IL17RE: variants seen among roughly 807,000 people sequenced by gnomAD.
The protein encoded by IL17RE is interleukin-17 receptor E.
IL17RE carries 47 observed loss-of-function variants against 70.7 expected under a neutral mutation model. That is an observed-to-expected ratio of 0.67 (90% confidence interval 0.53 to 0.85). IL17RE has a LOEUF of 0.85. Ranked by LOEUF, IL17RE falls within the 40% of genes least tolerant of loss-of-function variation. The pLI, the probability that IL17RE is intolerant of heterozygous loss-of-function variation, is 0.00. For missense variants in IL17RE, 850 were observed against 893.9 expected, an observed-to-expected ratio of 0.95 and a Z score of 0.63; for synonymous variants, 372 against 381.2, an observed-to-expected ratio of 0.98 and a Z score of 0.28.
intron 6 of IL17RE, 60 bp downstream of exon 6, chr3:9,907,160 C>T (rs374384085): frequency 8.1e-6 from 13 of 1,600,312 alleles, no homozygotes; most frequent in South Asian, 1.1e-5. Context: ...AAAGAGGCCA[C>T]CCATTGTACA....
upstream of IL17RE, chr3:9,902,769 C>A (rs1056670093): frequency 2.0e-6 from 3 of 1,538,152 alleles, no homozygotes; most frequent in African/African-American, 1.4e-5. Flanking sequence ...TGTGGCCTGG[C>A]TGGCTGGTTG....
chr3:9,903,124 C>A, intron 1 of IL17RE, 60 bp downstream of exon 1: 1 of 1,425,890 alleles, frequency 7.0e-7, no homozygotes. Context: ...CTCCCCACTC[C>A]CCTGCCTGCC....
intron 7 of IL17RE, 49 bp downstream of exon 7, chr3:9,908,356 C>A: frequency 6.6e-7 from 1 of 1,515,220 alleles, no homozygotes; most frequent in East Asian, 2.3e-5. Flanking sequence ...CTCCTAAGCC[C>A]CCAAGGTAGC....
Position 9,915,787 on chromosome 3 carries a change from C to G in IL17RE, c.1984C>G (p.Arg662Gly). ...CAGCCGGCTCGAACGAGAGGCCGCC[C>G]GACTTGCAGACCTAGGTTGAGCAGA... ...LCSRLEREAA[R>G]LADLG Residue 662 changes from arginine to glycine, a missense_variant, in exon 16 of 16, where the codon CGA becomes GGA. Physicochemically the swap from Arg to Gly is moderately radical, Grantham distance 125 (BLOSUM62 -2). Transcript: ENST00000383814. The surrounding 1 kb of genome is among the most constrained non-coding windows in gnomAD (Gnocchi z 4.9). The G allele has an allele frequency of 6.5e-7, 1 of 1,532,948 alleles. No homozygotes were observed. The highest frequency in any genetic ancestry group is 2.6e-5 in the East Asian group (1 of 37,952). The allele number at this position is 1,532,948 out of a possible 1,614,324, so 95.0% of individuals were successfully genotyped here. A position where few individuals can be genotyped will look rare whatever the true frequency, so the allele number is the denominator to read the frequency against.
At chr3:9,909,318 C>T (rs746623232) in intron 8 of IL17RE, 35 bp downstream of exon 8, 2 of 1,550,750 alleles carry the variant, frequency 1.3e-6, no homozygotes, top group Non-Finnish European at 1.8e-6. Flanking sequence ...TGTGCACACA[C>T]ATCCCCTTTC....
At chr3:9,912,834 A>G (rs2082924672) in intron 12 of IL17RE, among the ~76,000 whole-genome samples, 1 of 152,150 alleles carries the variant, frequency 6.6e-6, no homozygotes, top group South Asian at 2.1e-4. Flanking sequence ...ATGCCACAGC[A>G]CTCCAGCCTG....
chr3:9,914,938 G>A (rs2082979182), intron 15 of IL17RE, among the ~76,000 whole-genome samples, 161 bp downstream of exon 15: 1 of 152,204 alleles, frequency 6.6e-6, no homozygotes. Flanking sequence ...TTAAGGCAAG[G>A]CAAAGGGCCC....
In IL17RE at chr3:9,911,521, C is replaced by T. The variant is rs746436338; in HGVS notation, c.1151C>T (p.Ala384Val). 15 of 1,614,018 alleles carry T rather than the reference C, an allele frequency of 9.3e-6. No individual in the cohort carries two copies. Among genetic ancestry groups the T allele is most frequent in the Non-Finnish European group, 1.7e-6 (2 of 1,180,008 alleles). ...LILHFSSRMH[A>V]TFSAAWSLPG... ...CTTCACTTCTCCTCAAGAATGCATG[C>T]CACCTTCAGTGCTGCCTGGAGCCTC... Residue 384 changes from alanine to valine, a missense_variant, in exon 12 of 16, where the codon GCC (alanine) becomes GTC (valine). Coordinates refer to ENST00000383814, the MANE Select transcript of IL17RE (RefSeq NM_153480.2).
Position 9,915,577 on chromosome 3 carries a change from G to A in IL17RE, c.1774G>A (p.Ala592Thr). Reference protein sequence around the residue: ...HAAPRPLLLLAYFSRLCAKGD... With the variant: ...HAAPRPLLLLTYFSRLCAKGD... Reference sequence around the variant, plus strand: ...TGCCCCGCGCCCGCTGCTGCTGCTCGCTTACTTCAGTCGCCTCTGCGCCAA... The same window carrying A: ...TGCCCCGCGCCCGCTGCTGCTGCTCACTTACTTCAGTCGCCTCTGCGCCAA... The change falls in exon 16 of 16, where the codon GCT (alanine) becomes ACT (threonine). Residue 592 changes from alanine to threonine, a missense_variant. By Grantham distance (58) the Ala-to-Thr change is moderately conservative (BLOSUM62 0). Coordinates refer to ENST00000383814, the MANE Select transcript of IL17RE (RefSeq NM_153480.2). This position sits in a 1 kb window ranked among gnomAD's most constrained non-coding sequence, Gnocchi z 4.9. 7.0e-7 allele frequency: 1 copy of A among 1,419,156 alleles called. No individual in the cohort carries two copies. Among genetic ancestry groups the A allele is most frequent in the Non-Finnish European group, 9.2e-7 (1 of 1,089,028 alleles). 87.9% of individuals were successfully genotyped at this position (1,419,156 alleles called of 1,614,324 possible). A position where few individuals can be genotyped will look rare whatever the true frequency, so the allele number is the denominator to read the frequency against.
chr3:9,911,598 G>A lies in IL17RE; in HGVS notation c.1227+1G>A, dbSNP rs761928320. 1.9e-6 allele frequency: 3 copies of A among 1,610,370 alleles called. No homozygotes were observed. In the South Asian group the frequency reaches 3.3e-5, roughly 18 times the overall value. On this transcript the variant is annotated splice_donor_variant, in intron 12 of 15. Transcript: ENST00000383814. LOFTEE classifies it high-confidence loss of function. ...GCCCCCCGTGTACACTGTCAGCCAG[G>A]TATGGCCTCGCCCCCACTAGGTCCT...
chr3:9,910,816 G>T, intron 8 of IL17RE, 49 bp from the exon 9 acceptor site: 1 of 1,562,300 alleles, frequency 6.4e-7, no homozygotes, highest in Non-Finnish European at 8.7e-7. Context: ...TGGCAAGGTG[G>T]GGCTGAAGCA....
chr3:9,911,041 G>A lies in IL17RE; in HGVS notation c.978+1G>A, dbSNP rs1049879696. ...TGCCACAGCTCGAGAGTCAGATGGGGTGAGGACAGGTTCCCCCAGGACCAG... is the reference window on the plus strand; with the variant it reads ...TGCCACAGCTCGAGAGTCAGATGGGATGAGGACAGGTTCCCCCAGGACCAG... On this transcript the variant is annotated splice_donor_variant, in intron 9 of 15. Transcript: ENST00000383814. LOFTEE classifies it high-confidence loss of function. The A allele has an allele frequency of 1.2e-6, 2 of 1,614,162 alleles. No individual in the cohort carries two copies. The highest frequency in any genetic ancestry group is 1.7e-6 in the Non-Finnish European group (2 of 1,180,012).
At chr3:9,913,016 C>T (rs1468519477) in intron 12 of IL17RE, among the ~76,000 whole-genome samples, 2 of 152,114 alleles carry the variant, frequency 1.3e-5, no homozygotes, top group Non-Finnish European at 2.9e-5. Flanking sequence ...AATGAATATA[C>T]ATTGTAGTTT....
At chr3:9,914,133 A>G in intron 13 of IL17RE, 109 bp downstream of exon 13, 1 of 909,282 alleles carries the variant, frequency 1.1e-6, no homozygotes, top group African/African-American at 1.7e-5. Flanking sequence ...TGGCCAGCAC[A>G]GTGTTTTAAA....
upstream of IL17RE, chr3:9,902,803 A>C (rs895287478): frequency 2.8e-5 from 44 of 1,565,660 alleles, no homozygotes; most frequent in African/African-American, 5.3e-4. Flanking sequence ...GCTTTCGGGC[A>C]GGGCGGGGCC....
Position 9,914,753 on chromosome 3 carries a change from C to G in IL17RE, c.1423C>G (p.Leu475Val), listed in dbSNP as rs760548335. The change falls in exon 15 of 16, where the codon CTC becomes GTC. Residue 475 changes from leucine to valine, a missense_variant. Transcript: ENST00000383814. The part of the protein sequence containing the change: ...LLTLLGVVLA[L>V]TCRRPQSGPG... ...CACCCTACTGGGTGTTGTTCTGGCC[C>G]TCACCTGCCGGCGCCCACAGTCAGG... is the stretch of plus-strand genomic sequence containing the variant. 1.2e-6 allele frequency: 2 copies of G among 1,613,926 alleles called. No homozygotes were observed. The highest frequency in any genetic ancestry group is 1.7e-6 in the Non-Finnish European group (2 of 1,179,998).
At position 9,903,919 on chromosome 3, in the gene IL17RE, C is replaced by T. The variant is rs921042240; in HGVS notation, c.149-113C>T. ...CTGATCCTTAGACAGGTCCTGTAAC[C>T]CCCAAAGTCATACTTCCAGGATGTG... On this transcript the variant is annotated intron_variant, in intron 2 of 15. Transcript: ENST00000383814. 13 of 1,330,586 alleles carry T rather than the reference C, an allele frequency of 9.8e-6. No individual in the cohort carries two copies. The African/African-American group carries it at 1.0e-4, about 10-fold the overall frequency. The allele number at this position is 1,330,586 out of a possible 1,614,324, so 82.4% of individuals were successfully genotyped here.
chr3:9,916,038 T>C lies in IL17RE; in HGVS notation c.*231T>C. On this transcript the variant is annotated 3_prime_UTR_variant, in exon 16 of 16. Transcript: ENST00000383814. ...AGAGCTCCTCTAACCCCTGTTCTGA[T>C]GGGGGAGGGCGGTCTTCCCACTTCC... 1.6e-6 allele frequency: 1 copy of C among 622,848 alleles called. No homozygotes were observed. The highest frequency in any genetic ancestry group is 2.4e-6 in the Non-Finnish European group (1 of 421,802). The allele number at this position is 622,848 out of a possible 1,614,324, so 38.6% of individuals were successfully genotyped here.
Position 9,915,800 on chromosome 3 carries a change from T to G in IL17RE, c.1997T>G (p.Leu666Arg). 1 of 1,529,894 alleles carries G rather than the reference T, an allele frequency of 6.5e-7. No individual in the cohort carries two copies. The allele number at this position is 1,529,894 out of a possible 1,614,324, so 94.8% of individuals were successfully genotyped here. Reference protein sequence around the residue: ...LEREAARLADLG With the variant: ...LEREAARLADRG ...CGAGAGGCCGCCCGACTTGCAGACC[T>G]AGGTTGAGCAGAGCTCCACCGCAGT... Residue 666 changes from leucine (L) to arginine (R), a missense_variant, in exon 16 of 16, where the codon CTA (leucine) becomes CGA (arginine). Physicochemically the swap from Leu to Arg is moderately radical, Grantham distance 102 (BLOSUM62 -2). Coordinates refer to ENST00000383814, the MANE Select transcript of IL17RE (RefSeq NM_153480.2). This position sits in a 1 kb window ranked among gnomAD's most constrained non-coding sequence, Gnocchi z 4.9.
Sources: allele counts gnomAD v4.1 joint callset (sites outside exome capture counted in the v4.1 genomes callset), GRCh38; gene constraint gnomAD v4.1.1; non-coding constraint Gnocchi (gnomAD v3.1); transcripts MANE v1.5; gene names NCBI Gene and HGNC (gene_info 2026-07-23, HGNC 2026-07-21).